The following CNKSR3 variants were observed in gnomAD, a reference collection of about 807,000 sequenced individuals.
The protein encoded by CNKSR3 is CNKSR family member 3, also known as connector enhancer of kinase suppressor of ras 3.
A neutral mutation model predicts 67.7 loss-of-function variants in CNKSR3; 36 were observed. The observed-to-expected ratio is 0.53, with a 90% CI of 0.41 to 0.70. The LOEUF is 0.70. Ranked by LOEUF, CNKSR3 falls within the 30% of genes least tolerant of loss-of-function variation. CNKSR3 has a pLI of 0.00. For synonymous variants in CNKSR3, 281 were observed against 271.4 expected, an observed-to-expected ratio of 1.04 and a Z score of -0.35; for missense variants, 630 against 695.2, an observed-to-expected ratio of 0.91 and a Z score of 1.05.
chr6:154,429,291 G>A (rs1037944903), intron 6 of CNKSR3, among the ~76,000 whole-genome samples: 2 of 152,110 alleles, frequency 1.3e-5, no homozygotes, highest in Non-Finnish European at 2.9e-5. Context: ...ATCAACCTAC[G>A]CTAATCTATG....
rs933925050 is a variant in CNKSR3, at chr6:154,387,762, C to A, written c.*18592G>T. On this transcript the variant is annotated 3_prime_UTR_variant, in exon 13 of 13. Transcript: ENST00000607772. ...ACATATTCAATGCTTTTTGAAAAAT[C>A]AGGCCTTATTTAAAAAGAAAAATGT... 18 of 152,228 alleles carry A rather than the reference C, an allele frequency of 1.2e-4. No homozygotes were observed. The highest frequency in any genetic ancestry group is 4.3e-4 in the African/African-American group (18 of 41,540). The allele number at this position is 152,228 out of a possible 1,614,324, so 9.4% of individuals were successfully genotyped here. A position where few individuals can be genotyped will look rare whatever the true frequency, so the allele number is the denominator to read the frequency against.
intron 1 of CNKSR3, among the ~76,000 whole-genome samples, chr6:154,488,240 T>A (rs1246118783): frequency 6.6e-6 from 1 of 152,238 alleles, no homozygotes; most frequent in African/African-American, 2.4e-5. Flanking sequence ...GATCTTTTGA[T>A]GACAATTAAG....
chr6:154,400,999 G>A lies in CNKSR3; in HGVS notation c.*5355C>T, dbSNP rs906197372. On this transcript the variant is annotated 3_prime_UTR_variant, in exon 13 of 13. Coordinates refer to ENST00000607772, the MANE Select transcript of CNKSR3 (RefSeq NM_173515.4). ...TTGAGGTCCTCAACTGGGGTTGAGGGACCCTAACTAGGGGTTAATACATCA... is the reference window on the plus strand; with the variant it reads ...TTGAGGTCCTCAACTGGGGTTGAGGAACCCTAACTAGGGGTTAATACATCA... 6.6e-6 allele frequency: 1 copy of A among 152,146 alleles called. No homozygotes were observed. The allele number at this position is 152,146 out of a possible 1,614,324, so 9.4% of individuals were successfully genotyped here.
At chr6:154,504,869 T>A (rs1242491519) in intron 1 of CNKSR3, among the ~76,000 whole-genome samples, 5 of 151,386 alleles carry the variant, frequency 3.3e-5, no homozygotes, top group African/African-American at 4.8e-5. Flanking sequence ...GTAAAGAAGT[T>A]TTATAATGAG....
chr6:154,455,997 C>CAA (rs113572306), intron 1 of CNKSR3, among the ~76,000 whole-genome samples: 5 of 146,750 alleles, frequency 3.4e-5, no homozygotes, highest in Admixed American at 6.8e-5. Context: ...TGCCCCAATG[C>CAA]AAAAAAAAAC....
chr6:154,406,050 C>T lies in CNKSR3; in HGVS notation c.*304G>A, dbSNP rs975080377. 4 of 306,658 alleles carry T rather than the reference C, an allele frequency of 1.3e-5. No homozygotes were observed. The South Asian group carries it at 1.7e-4, about 13-fold the overall frequency. The allele number at this position is 306,658 out of a possible 1,614,324, so 19.0% of individuals were successfully genotyped here. ...CACCAGTCCCTCACAATGACCATAA[C>T]GTCTCTGGCCAGGACTGCGATTTCT... On this transcript the variant is annotated 3_prime_UTR_variant, in exon 13 of 13. Coordinates refer to ENST00000607772, the MANE Select transcript of CNKSR3 (RefSeq NM_173515.4).
At chr6:154,457,457 C>T (rs1365892526) in intron 1 of CNKSR3, among the ~76,000 whole-genome samples, 1 of 152,170 alleles carries the variant, frequency 6.6e-6, no homozygotes, top group Non-Finnish European at 1.5e-5. Context: ...CAGGGGCTCA[C>T]ACCTGTAATT....
chr6:154,490,848 T>A (rs1236220318), intron 1 of CNKSR3, among the ~76,000 whole-genome samples: 2 of 152,184 alleles, frequency 1.3e-5, no homozygotes, highest in African/African-American at 2.4e-5. Context: ...TTATTTTATT[T>A]AAATTTTTTT....
At chr6:154,418,955 CA>C (rs760812411) in intron 9 of CNKSR3, among the ~76,000 whole-genome samples, 115 of 87,150 alleles carry the variant, frequency 1.3e-3, no homozygotes, top group Middle Eastern at 0.013. Flanking sequence ...AACTCAACAG[CA>C]AAAAAAAAAA....
intron 4 of CNKSR3, among the ~76,000 whole-genome samples, chr6:154,435,984 G>A (rs1785464101): frequency 6.6e-6 from 1 of 152,128 alleles, no homozygotes; most frequent in Non-Finnish European, 1.5e-5. Context: ...CACGCGTCAA[G>A]CGTGGATGCA....
chr6:154,486,519 G>C (rs1786670345), intron 1 of CNKSR3, among the ~76,000 whole-genome samples: 2 of 145,908 alleles, frequency 1.4e-5, no homozygotes, highest in African/African-American at 5.5e-5. Flanking sequence ...TTGAGATGGA[G>C]TCTTGCACTG....
intron 1 of CNKSR3, among the ~76,000 whole-genome samples, chr6:154,460,218 A>G (rs1786050105): frequency 6.6e-6 from 1 of 152,248 alleles, no homozygotes; most frequent in African/African-American, 2.4e-5. Context: ...GCAAATCTTA[A>G]GTCAACTGAA....
chr6:154,455,772 C>G (rs2128720015), intron 1 of CNKSR3, among the ~76,000 whole-genome samples: 1 of 152,216 alleles, frequency 6.6e-6, no homozygotes, highest in South Asian at 2.1e-4. Context: ...ATTGTGATAT[C>G]AGTTACAGAT....
chr6:154,471,224 T>G (rs1786323907), intron 1 of CNKSR3, among the ~76,000 whole-genome samples: 1 of 152,230 alleles, frequency 6.6e-6, no homozygotes, highest in African/African-American at 2.4e-5. Context: ...TTCATTTTTA[T>G]AAGAACCTTT....
intron 1 of CNKSR3, among the ~76,000 whole-genome samples, chr6:154,458,130 A>G (rs538227072): frequency 3.3e-5 from 5 of 152,268 alleles, no homozygotes; most frequent in East Asian, 3.9e-4. Flanking sequence ...ATAGAGACGT[A>G]TGGCTCTCCC....
rs1787191554 is a variant in CNKSR3, at chr6:154,510,359, T to C, written c.-245A>G. The stretch of plus-strand genomic sequence containing the variant: ...CCTCCTTCCCCCGCCGCCGCCGGGA[T>C]CCCGGGCACAGCTGCTGCTCCCGAG... On this transcript the variant is annotated 5_prime_UTR_variant, in exon 1 of 13. Coordinates refer to ENST00000607772, the MANE Select transcript of CNKSR3 (RefSeq NM_173515.4). 1 of 537,026 alleles carries C rather than the reference T, an allele frequency of 1.9e-6. No homozygotes were observed. Among genetic ancestry groups the C allele is most frequent in the Non-Finnish European group, 3.3e-6 (1 of 306,198 alleles). The allele number at this position is 537,026 out of a possible 1,614,324, so 33.3% of individuals were successfully genotyped here.
At position 154,422,487 on chromosome 6, in the gene CNKSR3, T is replaced by A. The variant is rs943443463; in HGVS notation, c.945+19A>T. Reference sequence around the variant, plus strand: ...TACTCAACATTGTTGGATGGAGGTTTACAGTTAATCCCAGATACCTGTACA... The same window carrying A: ...TACTCAACATTGTTGGATGGAGGTTAACAGTTAATCCCAGATACCTGTACA... On this transcript the variant is annotated intron_variant, in intron 9 of 12. Transcript: ENST00000607772. 1.4e-5 allele frequency: 22 copies of A among 1,611,358 alleles called. No homozygotes were observed. The highest frequency in any genetic ancestry group is 1.8e-5 in the Non-Finnish European group (21 of 1,178,130).
intron 2 of CNKSR3, among the ~76,000 whole-genome samples, chr6:154,443,763 G>A (rs10457092): frequency 0.02 from 3,020 of 152,312 alleles, 48 homozygotes; most frequent in Middle Eastern, 0.031. Context: ...AGAGGCTGAG[G>A]TAGGAGGATC....
intron 12 of CNKSR3, among the ~76,000 whole-genome samples, chr6:154,407,461 G>C (rs141494264): frequency 1.9e-3 from 288 of 152,250 alleles, no homozygotes; most frequent in African/African-American, 6.6e-3. Flanking sequence ...AATGTGCAAA[G>C]ATCTATGGAC....
Sources: allele counts gnomAD v4.1 joint callset (sites outside exome capture counted in the v4.1 genomes callset), GRCh38; gene constraint gnomAD v4.1.1; transcripts MANE v1.5; gene names NCBI Gene and HGNC (gene_info 2026-07-23, HGNC 2026-07-21).